PTPRN2: variants seen among roughly 807,000 people sequenced by gnomAD.
The protein encoded by PTPRN2 is receptor-type tyrosine-protein phosphatase N2.
In PTPRN2, 74 loss-of-function variants were observed where a neutral mutation model predicts 118.8. The ratio of observed to expected loss-of-function variants is 0.62; its 90% CI spans 0.52 to 0.76. The LOEUF is 0.76. Ranked by LOEUF, PTPRN2 falls within the 30% of genes least tolerant of loss-of-function variation. The pLI, the probability that PTPRN2 is intolerant of heterozygous loss-of-function variation, is 0.00. For missense variants in PTPRN2, 1,481 were observed against 1,394.4 expected, an observed-to-expected ratio of 1.06 and a Z score of -0.99; for synonymous variants, 641 against 608.0, an observed-to-expected ratio of 1.05 and a Z score of -0.80.
At chr7:157,988,235 G>A (rs977589324) in intron 11 of PTPRN2, among the ~76,000 whole-genome samples, 1 of 152,186 alleles carries the variant, frequency 6.6e-6, no homozygotes, top group Non-Finnish European at 1.5e-5. Context: ...GCCATTTCCA[G>A]CTTGTCTCCC....
At chr7:158,492,239 G>T (rs7787694) in intron 1 of PTPRN2, among the ~76,000 whole-genome samples, 1 of 152,114 alleles carries the variant, frequency 6.6e-6, no homozygotes, top group Non-Finnish European at 1.5e-5. Context: ...GGCAGGAGCT[G>T]CAGGACTCTG....
In PTPRN2 at chr7:158,544,556, T is replaced by G. The variant is rs1453381252; in HGVS notation, c.112+43002A>C. Among the ~76,000 whole-genome samples the G allele has an allele frequency of 6.6e-6, 1 of 152,030 alleles. No individual in the cohort carries two copies. The highest frequency in any genetic ancestry group is 1.5e-5 in the Non-Finnish European group (1 of 68,014). The stretch of plus-strand genomic sequence containing the variant: ...GGGATGCTGAAGCAGGAGAATCACT[T>G]GAACCTGGGACGTGGAGGTTGCAGT... On this transcript the variant is annotated intron_variant, in intron 1 of 22. Transcript: ENST00000389418. The surrounding 1 kb of genome is among the most constrained non-coding windows in gnomAD (Gnocchi z 4.2).
intron 12 of PTPRN2, chr7:157,865,641 GTTGTCTTCACAGT>G (rs1810608238): frequency 6.6e-6 from 1 of 152,272 alleles, no homozygotes; most frequent in South Asian, 2.1e-4. Flanking sequence ...TCTTCCCAGT[GTTGTCTTCACAGT>G]GGAGAGATGA....
At chr7:158,203,009 G>A (rs540579284) in intron 4 of PTPRN2, among the ~76,000 whole-genome samples, 114 of 152,024 alleles carry the variant, frequency 7.5e-4, no homozygotes, top group African/African-American at 2.7e-3. Flanking sequence ...CAAGGTGGGC[G>A]GATCATGAGG....
At chr7:157,745,365 AG>A (rs1242261696) in intron 12 of PTPRN2, among the ~76,000 whole-genome samples, 1 of 151,944 alleles carries the variant, frequency 6.6e-6, no homozygotes, top group African/African-American at 2.4e-5. Context: ...GACGAACGCA[AG>A]GCTGAGAGCC....
intron 12 of PTPRN2, among the ~76,000 whole-genome samples, chr7:157,824,047 T>C (rs1807017050): frequency 6.6e-6 from 1 of 152,196 alleles, no homozygotes; most frequent in Non-Finnish European, 1.5e-5. Context: ...CATAGAGAAC[T>C]GATGCATCTC....
Position 157,609,941 on chromosome 7 carries a change from G to A in PTPRN2, c.2345-5866C>T, listed in dbSNP as rs566229073. ...GATGGCCCAGCTAAGCATGCTAGAG[G>A]ACGCGGCGGTATAGTCATTAATCAT... On this transcript the variant is annotated intron_variant, in intron 15 of 22. Coordinates refer to ENST00000389418, the MANE Select transcript of PTPRN2 (RefSeq NM_002847.5). The surrounding 1 kb of genome is among the most constrained non-coding windows in gnomAD (Gnocchi z 4.9). Among the ~76,000 whole-genome samples the A allele has an allele frequency of 4.1e-4, 62 of 152,330 alleles. 2 individuals carry two copies. The highest frequency in any genetic ancestry group is 1.3e-3 in the African/African-American group (53 of 41,568).
rs559493178 is a variant in PTPRN2 at position 158,154,688 on chromosome 7, A to C, written c.910+12243T>G. On this transcript the variant is annotated intron_variant, in intron 6 of 22. Transcript: ENST00000389418. ...ATGGAATAATAAAGTACAATTCCAAAAACTACTTCCCCTCATCTGAAAAAG... is the reference window on the plus strand; with the variant it reads ...ATGGAATAATAAAGTACAATTCCAACAACTACTTCCCCTCATCTGAAAAAG... Among the ~76,000 whole-genome samples the C allele has an allele frequency of 1.1e-3, 171 of 152,342 alleles. 1 individual carries two copies. The highest frequency in any genetic ancestry group is 3.8e-3 in the African/African-American group (160 of 41,582).
At chr7:157,772,469 G>T (rs546329409) in intron 12 of PTPRN2, among the ~76,000 whole-genome samples, 1 of 152,358 alleles carries the variant, frequency 6.6e-6, no homozygotes, top group East Asian at 1.9e-4. Flanking sequence ...TGCAGTGTGA[G>T]CCCAGCAGAG....
At chr7:158,341,333 AC>A (rs1806727212) in intron 2 of PTPRN2, among the ~76,000 whole-genome samples, 1 of 150,760 alleles carries the variant, frequency 6.6e-6, no homozygotes, top group Non-Finnish European at 1.5e-5. Context: ...CGTCACTCAC[AC>A]CCACACTCTC....
intron 19 of PTPRN2, 83 bp downstream of exon 19, chr7:157,576,530 G>T: frequency 1.5e-6 from 2 of 1,342,094 alleles, no homozygotes; most frequent in Admixed American, 5.9e-5. Context: ...CGGCGCCAGG[G>T]GCGTCTCAGG....
At chr7:158,407,936 G>T (rs1250406389) in intron 2 of PTPRN2, among the ~76,000 whole-genome samples, 2 of 152,258 alleles carry the variant, frequency 1.3e-5, no homozygotes, top group Admixed American at 1.3e-4. Flanking sequence ...CAGAGCTTGT[G>T]TGCAAATTCC....
intron 11 of PTPRN2, among the ~76,000 whole-genome samples, chr7:158,070,957 TGGAGGTGCTCAC>T: frequency 9.9e-6 from 1 of 100,784 alleles, no homozygotes; most frequent in South Asian, 3.7e-4. Context: ...CCCGTGGTGG[TGGAGGTGCTCAC>T]GGTGGAGGTG....
Position 157,609,638 on chromosome 7 carries a change from G to A in PTPRN2, c.2345-5563C>T, listed in dbSNP as rs563726872. On this transcript the variant is annotated intron_variant, in intron 15 of 22. Coordinates refer to ENST00000389418, the MANE Select transcript of PTPRN2 (RefSeq NM_002847.5). The surrounding 1 kb of genome is among the most constrained non-coding windows in gnomAD (Gnocchi z 4.9). ...ACTCCCAGCCCCACTGCTTGCCAGC[G>A]GGCGATCCTGGGTAAACTGTTCAGT... Among the ~76,000 whole-genome samples, 88 of 152,236 alleles carry A rather than the reference G, an allele frequency of 5.8e-4. No individual in the cohort carries two copies. The highest frequency in any genetic ancestry group is 5.4e-3 in the Admixed American group (83 of 15,292).
At chr7:157,982,378 G>T (rs1803321952) in intron 11 of PTPRN2, among the ~76,000 whole-genome samples, 2 of 143,376 alleles carry the variant, frequency 1.4e-5, no homozygotes, top group Non-Finnish European at 1.5e-5. Context: ...CAGAGACGAG[G>T]AGGGGAATGC....
chr7:157,576,745 T>G lies in PTPRN2; in HGVS notation c.2651A>C (p.Asp884Ala). The G allele has an allele frequency of 6.2e-7, 1 of 1,608,706 alleles. No individual in the cohort carries two copies. The highest frequency in any genetic ancestry group is 8.5e-7 in the Non-Finnish European group (1 of 1,177,372). The change falls in exon 19 of 23, where the codon GAC becomes GCC. Residue 884 changes from aspartate to alanine, a missense_variant. Transcript: ENST00000389418. ...CAGATAGAAGCTCCTCACCAGGAAG[T>G]CCTCACACCAGATGTGCTCGGAGAC... ...NLVSEHIWCE[D>A]FLVRSFYLKN...
rs145806804 is a variant in PTPRN2, at chr7:157,592,076, T to A, written c.2496+3162A>T. On this transcript the variant is annotated intron_variant, in intron 17 of 22. Transcript: ENST00000389418. Reference sequence around the variant, plus strand: ...TCCTGGAACCACCTGATACCTGCTGTCCGAGATGTGTCTCAAAATTATCTT... The same window carrying A: ...TCCTGGAACCACCTGATACCTGCTGACCGAGATGTGTCTCAAAATTATCTT... 2.6e-3 allele frequency among the ~76,000 whole-genome samples: 401 copies of A among 152,324 alleles called. 3 individuals carry two copies. Among genetic ancestry groups the A allele is most frequent in the African/African-American group, 9.2e-3 (381 of 41,564 alleles).
In PTPRN2 at chr7:157,808,944, G is replaced by A. The variant is rs893094421; in HGVS notation, c.1788+89729C>T. Among the ~76,000 whole-genome samples, 1 of 152,104 alleles carries A rather than the reference G, an allele frequency of 6.6e-6. No homozygotes were observed. Among genetic ancestry groups the A allele is most frequent in the Non-Finnish European group, 1.5e-5 (1 of 68,030 alleles). ...AGTGTGGTGTGTCACTTGCTTTTATGTGGAATGTGGGCAGTTCTTAAAACT... is the reference window on the plus strand; with the variant it reads ...AGTGTGGTGTGTCACTTGCTTTTATATGGAATGTGGGCAGTTCTTAAAACT... On this transcript the variant is annotated intron_variant, in intron 12 of 22. Transcript: ENST00000389418. The surrounding 1 kb of genome is among the most constrained non-coding windows in gnomAD (Gnocchi z 5.0).
intron 11 of PTPRN2, among the ~76,000 whole-genome samples, chr7:157,971,745 G>A (rs1802350523): frequency 6.6e-6 from 1 of 152,138 alleles, no homozygotes; most frequent in Non-Finnish European, 1.5e-5. Context: ...TGAGAGCATT[G>A]GTAAAGTAAC....
Sources: allele counts gnomAD v4.1 joint callset (sites outside exome capture counted in the v4.1 genomes callset), GRCh38; gene constraint gnomAD v4.1.1; non-coding constraint Gnocchi (gnomAD v3.1); transcripts MANE v1.5; gene names NCBI Gene and HGNC (gene_info 2026-07-23, HGNC 2026-07-21).